ATP6V0A1: variants seen among roughly 807,000 people sequenced by gnomAD.
The protein encoded by ATP6V0A1 is V-type proton ATPase 116 kDa subunit a 1.
Under a neutral mutation model 105.4 loss-of-function variants are expected in ATP6V0A1, and 43 were observed. The observed-to-expected ratio is 0.41, with a 90% CI of 0.32 to 0.53. The LOEUF (loss-of-function observed/expected upper bound fraction) is 0.53, where lower values mean the gene tolerates loss of function less well. Among genes scored for constraint, ATP6V0A1 ranks in the 20% least tolerant of loss-of-function variants. ATP6V0A1 has a pLI of 0.30. For synonymous variants in ATP6V0A1, 362 were observed against 372.8 expected (o/e 0.97, Z 0.33); for missense variants, 676 against 1,051.1 (o/e 0.64, Z 4.93).
intron 10 of ATP6V0A1, among the ~76,000 whole-genome samples, chr17:42,488,383 T>G (rs907371684): frequency 6.6e-6 from 1 of 152,182 alleles, no homozygotes; most frequent in Non-Finnish European, 1.5e-5. Flanking sequence ...CTTAGAAGAT[T>G]TAAATTTTAT....
chr17:42,513,192 T>C (rs1455767326), intron 19 of ATP6V0A1, among the ~76,000 whole-genome samples: 1 of 152,166 alleles, frequency 6.6e-6, no homozygotes, highest in Non-Finnish European at 1.5e-5. Context: ...CAAACAGATA[T>C]GCTGTTTGGC....
At chr17:42,485,222 T>C (rs2089986422) in intron 9 of ATP6V0A1, among the ~76,000 whole-genome samples, 1 of 152,108 alleles carries the variant, frequency 6.6e-6, no homozygotes, top group Admixed American at 6.6e-5. Flanking sequence ...GCTGGCTCCT[T>C]TGAGATACAC....
chr17:42,484,815 G>T (rs1333916229), intron 9 of ATP6V0A1, among the ~76,000 whole-genome samples: 1 of 151,520 alleles, frequency 6.6e-6, no homozygotes, highest in Admixed American at 6.6e-5. Flanking sequence ...ATTGTCAGGG[G>T]TATGTTGTAA....
chr17:42,505,861 C>T (rs1422863711), intron 17 of ATP6V0A1, among the ~76,000 whole-genome samples: 1 of 151,138 alleles, frequency 6.6e-6, no homozygotes, highest in African/African-American at 2.4e-5. Context: ...GATCTCAGCT[C>T]ACTGCAACCA....
At chr17:42,465,407 T>C (rs2086920449) in intron 2 of ATP6V0A1, among the ~76,000 whole-genome samples, 1 of 151,014 alleles carries the variant, frequency 6.6e-6, no homozygotes, top group Admixed American at 6.6e-5. Context: ...TCTTCTGCCT[T>C]GGCCTCCCGA....
At chr17:42,515,513 C>T (rs1047248479) in intron 21 of ATP6V0A1, among the ~76,000 whole-genome samples, 2 of 147,440 alleles carry the variant, frequency 1.4e-5, no homozygotes, top group African/African-American at 2.5e-5. Flanking sequence ...GGGCCAGGCA[C>T]GGTGGTTCAC....
At chr17:42,490,185 A>AT (rs2090497664) in intron 10 of ATP6V0A1, among the ~76,000 whole-genome samples, 3 of 152,084 alleles carry the variant, frequency 2.0e-5, no homozygotes, top group African/African-American at 7.2e-5. Flanking sequence ...GCAGTTCCAC[A>AT]TTTTCTTTGG....
chr17:42,488,005 C>G (rs1440502432), intron 10 of ATP6V0A1, among the ~76,000 whole-genome samples: 3 of 152,172 alleles, frequency 2.0e-5, no homozygotes, highest in Non-Finnish European at 4.4e-5. Flanking sequence ...TCCTGATGCC[C>G]TCTCTGTATA....
intron 8 of ATP6V0A1, among the ~76,000 whole-genome samples, chr17:42,481,123 A>G (rs535153088): frequency 1.1e-4 from 16 of 151,538 alleles, no homozygotes; most frequent in African/African-American, 2.9e-4. Context: ...GGGTTTTGCC[A>G]TGTTGCCCAG....
At chr17:42,507,190 A>T (rs1331113739) in intron 17 of ATP6V0A1, 1 of 223,882 alleles carries the variant, frequency 4.5e-6, no homozygotes, top group Non-Finnish European at 8.9e-6. Context: ...TGTTGTGAGA[A>T]TCTGTTCATA....
intron 4 of ATP6V0A1, among the ~76,000 whole-genome samples, chr17:42,469,735 C>T (rs1003669003): frequency 1.3e-5 from 2 of 152,140 alleles, no homozygotes; most frequent in South Asian, 2.1e-4. Context: ...CTCCACCTCC[C>T]GGGTTCAAGT....
In ATP6V0A1 at chr17:42,521,097, C is replaced by T. The variant is rs765087589; in HGVS notation, c.2491C>T (p.Arg831Trp). ...KFLPFSFEHI[R>W]EGKFEE ...CTTACCCTTCTCCTTCGAGCATATT[C>T]GGGAAGGGAAGTTTGAAGAGTGAGT... is the stretch of plus-strand genomic sequence containing the variant. Residue 831 changes from arginine (R) to tryptophan (W), a missense_variant, in exon 22 of 22, where the codon CGG becomes TGG. By Grantham distance (101) the Arg-to-Trp change is moderately radical (BLOSUM62 -3). Around this residue, in one of 3 missense-constraint regions of ATP6V0A1, gnomAD observed 435 missense variants for 642.2 expected, o/e 0.68. Coordinates refer to ENST00000343619, the MANE Select transcript of ATP6V0A1 (RefSeq NM_001130021.3). This position sits in a 1 kb window ranked among gnomAD's most constrained non-coding sequence, Gnocchi z 4.8. The T allele has an allele frequency of 5.0e-6, 8 of 1,609,248 alleles. No individual in the cohort carries two copies. Among genetic ancestry groups the T allele is most frequent in the East Asian group, 2.3e-5 (1 of 44,312 alleles).
In ATP6V0A1 at chr17:42,513,982, A is replaced by G. The variant is rs1282335866; in HGVS notation, c.2248+4A>G. 3 of 1,612,352 alleles carry G rather than the reference A, an allele frequency of 1.9e-6. No homozygotes were observed. The highest frequency in any genetic ancestry group is 2.5e-6 in the Non-Finnish European group (3 of 1,178,434). On this transcript the variant is annotated splice_donor_region_variant and intron_variant, in intron 20 of 21. Transcript: ENST00000343619. ...GCCCTCAGCCTCGCTCATGCGCGTGAGTACCTCTCTCCGGGCTCCGGAACT... is the reference window on the plus strand; with the variant it reads ...GCCCTCAGCCTCGCTCATGCGCGTGGGTACCTCTCTCCGGGCTCCGGAACT...
Position 42,492,303 on chromosome 17 carries a change from AG to A in ATP6V0A1, c.1174+1668del, listed in dbSNP as rs1183577308. On this transcript the variant is annotated intron_variant, in intron 11 of 21. Coordinates refer to ENST00000343619, the MANE Select transcript of ATP6V0A1 (RefSeq NM_001130021.3). ...AGAATCACTTGAACCCAGGAGGCAA[AG>A]GTTGCAGTGAACCGACATCATGCCA... 3.3e-5 allele frequency among the ~76,000 whole-genome samples: 5 copies of A among 152,088 alleles called. 1 individual carries two copies. The highest frequency in any genetic ancestry group is 1.3e-4 in the Admixed American group (2 of 15,266).
intron 21 of ATP6V0A1, among the ~76,000 whole-genome samples, chr17:42,516,134 G>T (rs1425568062): frequency 6.6e-6 from 1 of 152,162 alleles, no homozygotes; most frequent in Non-Finnish European, 1.5e-5. Context: ...TGATCTCAAG[G>T]CCAGAAGAGG....
chr17:42,515,616 T>A (rs1357579253), intron 21 of ATP6V0A1, among the ~76,000 whole-genome samples: 2 of 151,904 alleles, frequency 1.3e-5, no homozygotes, highest in African/African-American at 4.8e-5. Context: ...AGAAACGCTG[T>A]CTCTACTAAA....
chr17:42,467,956 G>T, intron 3 of ATP6V0A1, 54 bp from the exon 4 acceptor site: 2 of 1,236,208 alleles, frequency 1.6e-6, no homozygotes, highest in Non-Finnish European at 2.3e-6. Context: ...CTTAAATAAT[G>T]GCAATTACGA....
rs778426990 is a variant in ATP6V0A1 at position 42,487,909 on chromosome 17, A to G, written c.1023+542A>G. On this transcript the variant is annotated intron_variant, in intron 10 of 21. Coordinates refer to ENST00000343619, the MANE Select transcript of ATP6V0A1 (RefSeq NM_001130021.3). ...AGCATAGCATATCTTTATTTTGCAT[A>G]TGTGGAGACTGCAGTTCAGAGAGCT... Among the ~76,000 whole-genome samples, 11 of 152,286 alleles carry G rather than the reference A, an allele frequency of 7.2e-5. 1 individual carries two copies. The highest frequency in any genetic ancestry group is 8.8e-5 in the Non-Finnish European group (6 of 68,026).
chr17:42,507,703 C>A, intron 18 of ATP6V0A1, 76 bp downstream of exon 18: 1 of 1,127,240 alleles, frequency 8.9e-7, no homozygotes, highest in Non-Finnish European at 1.4e-6. Flanking sequence ...AGAGGCCTCA[C>A]TCCAGTCTTC....
Sources: allele counts gnomAD v4.1 joint callset (sites outside exome capture counted in the v4.1 genomes callset), GRCh38; gene constraint gnomAD v4.1.1; regional missense constraint gnomAD v4.1.1; non-coding constraint Gnocchi (gnomAD v3.1); transcripts MANE v1.5; gene names NCBI Gene and HGNC (gene_info 2026-07-23, HGNC 2026-07-21).